NTRK2: variants seen among roughly 807,000 people sequenced by gnomAD.
The protein encoded by NTRK2 is neurotrophic receptor tyrosine kinase 2.
NTRK2 carries 13 observed loss-of-function variants against 94.5 expected under a neutral mutation model. The observed-to-expected ratio is 0.14, with a 90% CI of 0.09 to 0.22. The LOEUF is 0.22. NTRK2 is among the 10% of genes least tolerant of loss of function. NTRK2 has a pLI of 1.00. For synonymous variants in NTRK2, 372 were observed against 407.4 expected, an observed-to-expected ratio of 0.91 and a Z score of 1.05; for missense variants, 639 against 1,071.2, an observed-to-expected ratio of 0.60 and a Z score of 5.63.
intron 9 of NTRK2, among the ~76,000 whole-genome samples, chr9:84,736,450 T>C (rs1485772994): frequency 6.6e-6 from 1 of 152,160 alleles, no homozygotes; most frequent in African/African-American, 2.4e-5. Context: ...TGGATTTAGA[T>C]TTGGTGTACT....
intron 12 of NTRK2, chr9:84,812,745 G>T: frequency 4.8e-6 from 5 of 1,040,196 alleles, no homozygotes; most frequent in Non-Finnish European, 5.8e-6. Context: ...CTATTTTAAA[G>T]TGTTCCAGAC....
Position 84,948,494 on chromosome 9 carries a change from G to A in NTRK2, c.1797G>A (p.Lys599=), listed in dbSNP as rs1330684853. The change falls in exon 16 of 19, where the codon AAG becomes AAA. Residue 599 remains lysine (K), a synonymous_variant. Coordinates refer to ENST00000277120, the MANE Select transcript of NTRK2 (RefSeq NM_006180.6). The part of the protein sequence containing the change: ...TLKDASDNAR[K]DFHREAELLT... Reference sequence around the variant, plus strand: ...AGGATGCCAGTGACAATGCACGCAAGGACTTCCACCGTGAGGCCGAGCTCC... The same window carrying A: ...AGGATGCCAGTGACAATGCACGCAAAGACTTCCACCGTGAGGCCGAGCTCC... 1 of 1,614,160 alleles carries A rather than the reference G, an allele frequency of 6.2e-7. No individual in the cohort carries two copies. The highest frequency in any genetic ancestry group is 1.1e-5 in the South Asian group (1 of 91,078).
chr9:84,977,071 T>C (rs553770664), intron 17 of NTRK2, among the ~76,000 whole-genome samples: 26 of 152,354 alleles, frequency 1.7e-4, no homozygotes, highest in Admixed American at 5.2e-4. Context: ...ACTGAATCAC[T>C]GCTCCAAGGG....
At chr9:84,782,653 C>T (rs897891428) in intron 12 of NTRK2, among the ~76,000 whole-genome samples, 3 of 152,186 alleles carry the variant, frequency 2.0e-5, no homozygotes, top group Non-Finnish European at 2.9e-5. Flanking sequence ...TCCATTAAGC[C>T]GTGGATATGG....
chr9:84,997,254 G>A (rs10868247), intron 17 of NTRK2, among the ~76,000 whole-genome samples: 2 of 152,214 alleles, frequency 1.3e-5, no homozygotes, highest in Admixed American at 6.5e-5. Context: ...GGACTGGCCC[G>A]GGGCAAAGCT....
chr9:84,686,168 C>T (rs554554133), intron 2 of NTRK2, among the ~76,000 whole-genome samples: 21 of 152,224 alleles, frequency 1.4e-4, no homozygotes, highest in African/African-American at 4.8e-4. Flanking sequence ...ATATAAATGA[C>T]CTTTATGGAA....
chr9:84,806,946 C>G (rs965583267), intron 12 of NTRK2, among the ~76,000 whole-genome samples: 2 of 152,380 alleles, frequency 1.3e-5, no homozygotes, highest in East Asian at 1.9e-4. Flanking sequence ...TGAAGGTGAG[C>G]TGCTACCTTG....
At chr9:84,795,121 G>A (rs147556436) in intron 12 of NTRK2, among the ~76,000 whole-genome samples, 3 of 152,324 alleles carry the variant, frequency 2.0e-5, no homozygotes, top group East Asian at 1.9e-4. Context: ...CCGACTGCAA[G>A]CATAGGCAAG....
At chr9:84,916,442 T>C (rs1213154990) in intron 14 of NTRK2, among the ~76,000 whole-genome samples, 1 of 152,208 alleles carries the variant, frequency 6.6e-6, no homozygotes, top group African/African-American at 2.4e-5. Flanking sequence ...TAGTTGATCA[T>C]GGTACTGTTT....
At chr9:84,826,323 A>T (rs2073186028) in intron 12 of NTRK2, among the ~76,000 whole-genome samples, 1 of 152,104 alleles carries the variant, frequency 6.6e-6, no homozygotes, top group African/African-American at 2.4e-5. Flanking sequence ...AGCTGCCTTC[A>T]GCTCGCCTTC....
chr9:84,862,311 T>C (rs922777498), intron 13 of NTRK2, among the ~76,000 whole-genome samples: 2 of 152,178 alleles, frequency 1.3e-5, no homozygotes, highest in African/African-American at 2.4e-5. Flanking sequence ...GGTGTTCTGT[T>C]TTACGGGTTT....
intron 14 of NTRK2, among the ~76,000 whole-genome samples, chr9:84,891,315 G>C (rs920590257): frequency 7.9e-6 from 1 of 125,814 alleles, no homozygotes. Context: ...CATTCTTTTG[G>C]TTAAAATAGC....
chr9:84,840,739 G>T (rs1229067496), intron 12 of NTRK2, among the ~76,000 whole-genome samples: 1 of 152,018 alleles, frequency 6.6e-6, no homozygotes, highest in Non-Finnish European at 1.5e-5. Flanking sequence ...ACCTTCTCTC[G>T]AAAGGGTTCT....
Position 84,760,616 on chromosome 9 carries a change from T to A in NTRK2, c.1396+8531T>A, listed in dbSNP as rs116379939. ...TGTGAATTATTGCAAATTCTTAATT[T>A]TATTGTCCTCTGAAGAATTCATCAC... On this transcript the variant is annotated intron_variant, in intron 12 of 18. Transcript: ENST00000277120. Among the ~76,000 whole-genome samples the A allele has an allele frequency of 4.6e-3, 704 of 152,366 alleles. 8 individuals are homozygous for A. The highest frequency in any genetic ancestry group is 0.016 in the African/African-American group (666 of 41,598).
chr9:85,004,531 G>C lies in NTRK2; in HGVS notation c.2173-15675G>C, dbSNP rs536991169. ...TTAATAGAGTATCCTAAATGCCAAT[G>C]ATCTGCACATAAATACGTGTTTTGT... On this transcript the variant is annotated intron_variant, in intron 17 of 18. Coordinates refer to ENST00000277120, the MANE Select transcript of NTRK2 (RefSeq NM_006180.6). 3.3e-5 allele frequency among the ~76,000 whole-genome samples: 5 copies of C among 152,288 alleles called. No individual in the cohort carries two copies. In the East Asian group the frequency reaches 9.7e-4, roughly 29 times the overall value.
Position 84,711,753 on chromosome 9 carries a change from C to T in NTRK2, c.583+962C>T, listed in dbSNP as rs116728524. Among the ~76,000 whole-genome samples, 520 of 152,220 alleles carry T rather than the reference C, an allele frequency of 3.4e-3. 1 individual carries two copies. The highest frequency in any genetic ancestry group is 0.012 in the African/African-American group (484 of 41,518). On this transcript the variant is annotated intron_variant, in intron 6 of 18. Coordinates refer to ENST00000277120, the MANE Select transcript of NTRK2 (RefSeq NM_006180.6). ...TTAAGAAAAATGGAGCTGCTGCACA[C>T]GCTTTGTAGGAATGCGATAAAAATA...
chr9:84,897,657 G>A (rs1248136540), intron 14 of NTRK2, among the ~76,000 whole-genome samples: 1 of 152,224 alleles, frequency 6.6e-6, no homozygotes, highest in African/African-American at 2.4e-5. Flanking sequence ...TGAGCCAGGT[G>A]TGATTAGTGC....
chr9:84,741,904 A>G lies in NTRK2; in HGVS notation c.1172A>G (p.Asn391Ser), dbSNP rs199667706. ...WPGIDDGANP[N>S]YPDVIYEDYG... is the part of the protein sequence containing the mutation. ...TTTTGCCTTTTAGGTGCAAACCCAAATTATCCTGATGTAATTTATGAAGGT... is the reference window on the plus strand; with the variant it reads ...TTTTGCCTTTTAGGTGCAAACCCAAGTTATCCTGATGTAATTTATGAAGGT... The change falls in exon 10 of 19, where the codon AAT becomes AGT. Residue 391 changes from asparagine (N) to serine (S), a missense_variant. Around this residue, in one of 5 missense-constraint regions of NTRK2, gnomAD observed 343 missense variants for 571.5 expected, o/e 0.60. Transcript: ENST00000277120. 6.2e-7 allele frequency: 1 copy of G among 1,613,154 alleles called. No homozygotes were observed. Among genetic ancestry groups the G allele is most frequent in the African/African-American group, 1.3e-5 (1 of 75,060 alleles).
chr9:84,921,210 T>G (rs2077556430), intron 14 of NTRK2, among the ~76,000 whole-genome samples: 1 of 152,248 alleles, frequency 6.6e-6, no homozygotes, highest in Non-Finnish European at 1.5e-5. Flanking sequence ...ATTCTCTTTT[T>G]TCTGAAGCAG....
Sources: gnomAD v4.1 joint callset for allele counts (sites outside exome capture counted in the v4.1 genomes callset) on GRCh38, gnomAD v4.1.1 for gene constraint, gnomAD v4.1.1 regional missense constraint, MANE v1.5 for transcripts, NCBI Gene and HGNC (gene_info 2026-07-23, HGNC 2026-07-21) for gene names.